The following IGSF10 variants were observed in gnomAD, a reference collection of about 807,000 sequenced individuals.
The protein encoded by IGSF10 is calvaria mechanical force protein 608.
IGSF10 carries 126 observed loss-of-function variants against 128.2 expected under a neutral mutation model. The ratio of observed to expected loss-of-function variants is 0.98; its 90% CI spans 0.85 to 1.14. The LOEUF is 1.14. IGSF10 is among the 50% of genes most tolerant of loss of function. IGSF10 has a pLI of 0.00. For synonymous variants in IGSF10, 1,185 were observed against 1,146.2 expected, an observed-to-expected ratio of 1.03 and a Z score of -0.68; for missense variants, 3,295 against 3,149.8, an observed-to-expected ratio of 1.05 and a Z score of -1.10.
At position 151,448,618 on chromosome 3, in the gene IGSF10, CACTGGAGT is replaced by C. The variant is rs1721347602; in HGVS notation, c.1355_1362del (p.Tyr452Ter). 6.2e-7 allele frequency: 1 copy of C among 1,614,078 alleles called. No homozygotes were observed. Among genetic ancestry groups the C allele is most frequent in the East Asian group, 2.2e-5 (1 of 44,888 alleles). ...GCTCTTGGTAAAGTGATTTGAGCATCACTGGAGTACTGGATCTGTAATGTACTGAATGT... is the reference window on the plus strand; with the variant it reads ...GCTCTTGGTAAAGTGATTTGAGCATCACTGGATCTGTAATGTACTGAATGT... On this transcript the variant is annotated frameshift_variant, in exon 6 of 8. Coordinates refer to ENST00000282466, the MANE Select transcript of IGSF10 (RefSeq NM_178822.5). LOFTEE classifies it high-confidence loss of function.
chr3:151,510,924 A>C, the IGSF10 span, among the ~76,000 whole-genome samples: 1 of 152,208 alleles, frequency 6.6e-6, no homozygotes, highest in African/African-American at 2.4e-5. Context: ...AAAAAGAATA[A>C]AAAGAAATGA....
At chr3:151,581,038 G>T in the IGSF10 span, among the ~76,000 whole-genome samples, 1 of 151,864 alleles carries the variant, frequency 6.6e-6, no homozygotes, top group Non-Finnish European at 1.5e-5. Flanking sequence ...AAGCTATTTT[G>T]TTGTATAATC....
At chr3:151,512,487 T>C in the IGSF10 span, among the ~76,000 whole-genome samples, 36 of 152,110 alleles carry the variant, frequency 2.4e-4, no homozygotes, top group African/African-American at 7.2e-4. Flanking sequence ...GTTTATAGCA[T>C]TGAATGCCCA....
the IGSF10 span, among the ~76,000 whole-genome samples, chr3:151,612,690 G>A: frequency 6.6e-6 from 1 of 152,114 alleles, no homozygotes; most frequent in East Asian, 1.9e-4. Flanking sequence ...CATACAGACT[G>A]TAATAAGTTT....
the IGSF10 span, among the ~76,000 whole-genome samples, chr3:151,524,077 A>C: frequency 1.3e-5 from 2 of 152,158 alleles, no homozygotes; most frequent in Non-Finnish European, 2.9e-5. Context: ...TTATTAGAGA[A>C]ATGCAAATCA....
chr3:151,541,174 G>A, the IGSF10 span, among the ~76,000 whole-genome samples: 1 of 152,154 alleles, frequency 6.6e-6, no homozygotes, highest in East Asian at 1.9e-4. Context: ...TTAGCAGTAA[G>A]ATTCATAAAC....
chr3:151,582,294 G>GGGT, the IGSF10 span, among the ~76,000 whole-genome samples: 2 of 114,296 alleles, frequency 1.7e-5, 1 homozygote, highest in African/African-American at 6.7e-5. Flanking sequence ...AAAATATCCG[G>GGGT]GGGGGGGGGC....
Position 151,436,708 on chromosome 3 carries a change from G to A in IGSF10, c.7853C>T (p.Thr2618Met), listed in dbSNP as rs376416108. The change falls in exon 8 of 8, where the codon ACG (threonine) becomes ATG (methionine). Residue 2618 changes from threonine to methionine, a missense_variant. By Grantham distance (81) the Thr-to-Met change is moderately conservative. Coordinates refer to ENST00000282466, the MANE Select transcript of IGSF10 (RefSeq NM_178822.5). Reference sequence around the variant, plus strand: ...TTCATGTCAGATTACTTGAATATACGTTGCTGCATAATCACTACCAAGTGG... The same window carrying A: ...TTCATGTCAGATTACTTGAATATACATTGCTGCATAATCACTACCAAGTGG... ...KNPLGSDYAA[T>M]YIQVI 1.3e-4 allele frequency: 212 copies of A among 1,606,226 alleles called. No individual in the cohort carries two copies. The highest frequency in any genetic ancestry group is 1.7e-4 in the Non-Finnish European group (198 of 1,176,148).
At chr3:151,536,519 C>T in the IGSF10 span, among the ~76,000 whole-genome samples, 2 of 152,126 alleles carry the variant, frequency 1.3e-5, no homozygotes, top group Non-Finnish European at 2.9e-5. Context: ...CACTGTGGCC[C>T]TACATGACAG....
the IGSF10 span, among the ~76,000 whole-genome samples, chr3:151,570,767 C>T: frequency 7.9e-5 from 12 of 152,108 alleles, no homozygotes; most frequent in Non-Finnish European, 1.5e-4. Context: ...TTTTGGCTTT[C>T]ATTGCCATTG....
chr3:151,445,552 T>C lies in IGSF10; in HGVS notation c.4429A>G (p.Ile1477Val), dbSNP rs1334495417. The change falls in exon 6 of 8, where the codon ATC becomes GTC. Residue 1477 changes from isoleucine (I) to valine (V), a missense_variant. Coordinates refer to ENST00000282466, the MANE Select transcript of IGSF10 (RefSeq NM_178822.5). ...SSSATLMPVP[I>V]SPPFTQRAVT... ...GCTCTCTGAGTAAAGGGAGGGGAGATGGGAACTGGCATTAGAGTAGCACTG... is the reference window on the plus strand; with the variant it reads ...GCTCTCTGAGTAAAGGGAGGGGAGACGGGAACTGGCATTAGAGTAGCACTG... 15 of 1,614,166 alleles carry C rather than the reference T, an allele frequency of 9.3e-6. No homozygotes were observed. The highest frequency in any genetic ancestry group is 1.2e-5 in the Non-Finnish European group (14 of 1,180,014).
the IGSF10 span, among the ~76,000 whole-genome samples, chr3:151,537,021 C>A: frequency 5.9e-5 from 9 of 152,118 alleles, no homozygotes; most frequent in Admixed American, 5.9e-4. Context: ...TAAGTTTGTT[C>A]TTTATTCGAG....
upstream of IGSF10, among the ~76,000 whole-genome samples, chr3:151,462,730 A>G (rs1722109822): frequency 6.6e-6 from 1 of 152,228 alleles, no homozygotes; most frequent in Non-Finnish European, 1.5e-5. Flanking sequence ...ATTTATGGTT[A>G]GTAATAAGTC....
At chr3:151,617,009 T>A in the IGSF10 span, among the ~76,000 whole-genome samples, 1 of 152,188 alleles carries the variant, frequency 6.6e-6, no homozygotes, top group Non-Finnish European at 1.5e-5. Context: ...GCCCAATGCC[T>A]GCACTGGTGA....
the IGSF10 span, among the ~76,000 whole-genome samples, chr3:151,585,317 T>A: frequency 6.6e-6 from 1 of 152,220 alleles, no homozygotes; most frequent in African/African-American, 2.4e-5. Flanking sequence ...ATGTCACTAC[T>A]GGAAAATTTA....
rs368973240 is a variant in IGSF10, at chr3:151,445,450, G to T, written c.4531C>A (p.His1511Asn). Residue 1511 changes from histidine (H) to asparagine (N), a missense_variant, in exon 6 of 8, where the codon CAC becomes AAC. Transcript: ENST00000282466. ...ACTAATTGCTGTGGTTTAGCATTGT[G>T]CCTTGAGGATTCGTGCAGCTTGACC... Reference protein sequence around the residue: ...TVVKLHESSRHNAKPQQLVAE... With the variant: ...TVVKLHESSRNNAKPQQLVAE... 21 of 1,614,094 alleles carry T rather than the reference G, an allele frequency of 1.3e-5. No homozygotes were observed. The highest frequency in any genetic ancestry group is 2.7e-5 in the African/African-American group (2 of 74,940).
At chr3:151,471,520 C>T in the IGSF10 span, among the ~76,000 whole-genome samples, 3 of 152,180 alleles carry the variant, frequency 2.0e-5, no homozygotes, top group Admixed American at 2.0e-4. Flanking sequence ...GTTGGCCCAA[C>T]CTGCAGAGCT....
chr3:151,502,367 T>C, the IGSF10 span, among the ~76,000 whole-genome samples: 1 of 152,116 alleles, frequency 6.6e-6, no homozygotes, highest in African/African-American at 2.4e-5. Context: ...TGGATTCAAG[T>C]GTAAGGGAAG....
Position 151,445,544 on chromosome 3 carries a change from A to AG in IGSF10, c.4436dup (p.Pro1480SerfsTer9). On this transcript the variant is annotated frameshift_variant, in exon 6 of 8. Coordinates refer to ENST00000282466, the MANE Select transcript of IGSF10 (RefSeq NM_178822.5). LOFTEE classifies it high-confidence loss of function. ...CAGTAACTGCTCTCTGAGTAAAGGG[A>AG]GGGGAGATGGGAACTGGCATTAGAG... The AG allele has an allele frequency of 6.2e-7, 1 of 1,614,054 alleles. No homozygotes were observed. Among genetic ancestry groups the AG allele is most frequent in the Non-Finnish European group, 8.5e-7 (1 of 1,179,990 alleles).
Sources: allele counts gnomAD v4.1 joint callset (sites outside exome capture counted in the v4.1 genomes callset), GRCh38; gene constraint gnomAD v4.1.1; transcripts MANE v1.5; gene names NCBI Gene and HGNC (gene_info 2026-07-23, HGNC 2026-07-21).